The following SLC3A2 variants were observed in gnomAD, a reference collection of about 807,000 sequenced individuals.
SLC3A2 encodes solute carrier family 3 member 2, also known as amino acid transporter heavy chain SLC3A2.
In SLC3A2, 32 loss-of-function variants were observed where a neutral mutation model predicts 48.5. That is an observed-to-expected ratio of 0.66 (90% CI 0.50 to 0.89). The LOEUF (loss-of-function observed/expected upper bound fraction) is 0.89. Among genes scored for constraint, SLC3A2 ranks in the 40% least tolerant of loss-of-function variants. The pLI, the probability that SLC3A2 is intolerant of heterozygous loss-of-function variation, is 0.00. For synonymous variants in SLC3A2, 277 were observed against 288.8 expected (o/e 0.96, Z 0.41); for missense variants, 587 against 680.7 (o/e 0.86, Z 1.53).
Position 62,881,734 on chromosome 11 carries a change from C to A in SLC3A2, c.425-159C>A. 1 of 888,194 alleles carries A rather than the reference C, an allele frequency of 1.1e-6. No individual in the cohort carries two copies. 55.0% of individuals were successfully genotyped at this position (888,194 alleles called of 1,614,324 possible). On this transcript the variant is annotated intron_variant, in intron 1 of 8. Coordinates refer to ENST00000338663, the MANE Select transcript of SLC3A2 (RefSeq NM_001013251.3). This position sits in a 1 kb window ranked among gnomAD's most constrained non-coding sequence, Gnocchi z 4.0. ...GGTTTCTGAAGTAATGTGCAGGACT[C>A]CTTACATCAGCTCCTCTGAGTCTCG... is the stretch of plus-strand genomic sequence containing the variant.
chr11:62,884,407 G>T, intron 3 of SLC3A2, 50 bp from the exon 4 acceptor site: 1 of 1,605,224 alleles, frequency 6.2e-7, no homozygotes, highest in Non-Finnish European at 8.5e-7. Context: ...AATTTTCTGA[G>T]CCTTTTCCTG....
chr11:62,862,023 A>G (rs2085404503), intron 1 of SLC3A2, among the ~76,000 whole-genome samples: 1 of 151,796 alleles, frequency 6.6e-6, no homozygotes, highest in Admixed American at 6.6e-5. Flanking sequence ...TACAGCCATT[A>G]AGAAGTGCTG....
intron 1 of SLC3A2, among the ~76,000 whole-genome samples, chr11:62,857,839 G>A (rs1672720772): frequency 1.3e-5 from 2 of 152,110 alleles, no homozygotes; most frequent in South Asian, 2.1e-4. Context: ...GGGCCTGAAA[G>A]GGTAGAAAGA....
intron 1 of SLC3A2, among the ~76,000 whole-genome samples, chr11:62,874,362 A>G (rs2085549342): frequency 6.6e-6 from 1 of 152,132 alleles, no homozygotes; most frequent in African/African-American, 2.4e-5. Context: ...CTGACCTGCT[A>G]TTTCTCTGGT....
Position 62,881,033 on chromosome 11 carries a change from G to T in SLC3A2, c.10G>T (p.Asp4Tyr). The T allele has an allele frequency of 6.4e-7, 1 of 1,571,640 alleles. No individual in the cohort carries two copies. Among genetic ancestry groups the T allele is most frequent in the Non-Finnish European group, 8.7e-7 (1 of 1,155,810 alleles). MSQ[D>Y]TEVDMKEVEL... ...CGGTTCTGCAGGCACCATGAGCCAG[G>T]ACACCGAGGTGGATATGAAGGAGGT... Residue 4 changes from aspartate to tyrosine, a missense_variant, in exon 1 of 9, where the codon GAC becomes TAC. Physicochemically the swap from Asp to Tyr is radical, Grantham distance 160. This residue lies in a region of SLC3A2 where 409 missense variants were observed against 446.7 expected (regional missense o/e 0.92). Transcript: ENST00000338663. The surrounding 1 kb of genome is among the most constrained non-coding windows in gnomAD (Gnocchi z 4.0).
chr11:62,883,034 A>G (rs918686950), intron 3 of SLC3A2, 35 bp downstream of exon 3: 2 of 1,588,638 alleles, frequency 1.3e-6, no homozygotes, highest in African/African-American at 1.3e-5. Flanking sequence ...TGGAAGTCAG[A>G]TGCTGGGGCT....
intron 1 of SLC3A2, chr11:62,856,481 G>A: frequency 1.9e-6 from 2 of 1,059,612 alleles, no homozygotes; most frequent in South Asian, 3.1e-5. Flanking sequence ...GACAGGATCT[G>A]ATTTTTTCCT....
At chr11:62,882,779 CCG>C (rs2085659172) in intron 2 of SLC3A2, 127 bp from the exon 3 acceptor site, 1 of 776,124 alleles carries the variant, frequency 1.3e-6, no homozygotes, top group South Asian at 1.6e-5. Flanking sequence ...TGAATTTTGC[CCG>C]GGTTCAAATT....
At position 62,881,654 on chromosome 11, in the gene SLC3A2, AG is replaced by A; in HGVS notation, c.424+210del. On this transcript the variant is annotated intron_variant, in intron 1 of 8. Transcript: ENST00000338663. This position sits in a 1 kb window ranked among gnomAD's most constrained non-coding sequence, Gnocchi z 4.0. ...CCGACCCGCCCCTCACTCCGTCACG[AG>A]GGTGGGTGACTCAGCGTCCTCCTTC... 1.1e-6 allele frequency: 1 copy of A among 898,786 alleles called. No individual in the cohort carries two copies. Among genetic ancestry groups the A allele is most frequent in the Non-Finnish European group, 1.6e-6 (1 of 616,260 alleles). The allele number at this position is 898,786 out of a possible 1,614,324, so 55.7% of individuals were successfully genotyped here.
At chr11:62,869,999 T>A (rs1481423008) in intron 1 of SLC3A2, among the ~76,000 whole-genome samples, 2 of 151,398 alleles carry the variant, frequency 1.3e-5, no homozygotes, top group African/African-American at 4.9e-5. Flanking sequence ...GCTAGGCTGC[T>A]CTCTGGCCAG....
At chr11:62,856,467 T>A in intron 1 of SLC3A2, 1 of 1,189,348 alleles carries the variant, frequency 8.4e-7, no homozygotes, top group Non-Finnish European at 1.2e-6. Context: ...AGTGCTTCAC[T>A]GAAGACAGGA....
At chr11:62,861,704 T>C (rs537365452) in intron 1 of SLC3A2, among the ~76,000 whole-genome samples, 4 of 151,756 alleles carry the variant, frequency 2.6e-5, no homozygotes, top group Non-Finnish European at 5.9e-5. Flanking sequence ...TCACTTGAGG[T>C]TGGGAGTTCG....
In SLC3A2 at chr11:62,867,148, G is replaced by A. The variant is rs11231257; in HGVS notation, c.112+10767G>A. The stretch of plus-strand genomic sequence containing the variant: ...TGGGATTACAGGCATGCGCTACCAC[G>A]CCCAGCTAATTTTTTGTATTTTTAG... On this transcript the variant is annotated intron_variant, in intron 1 of 9. Coordinates refer to the SLC3A2 transcript ENST00000377889. 3.0e-3 allele frequency among the ~76,000 whole-genome samples: 451 copies of A among 148,868 alleles called. 1 individual carries two copies. Among genetic ancestry groups the A allele is most frequent in the Non-Finnish European group, 4.4e-3 (296 of 67,106 alleles).
At chr11:62,862,369 A>G (rs1242401344) in intron 1 of SLC3A2, among the ~76,000 whole-genome samples, 2 of 141,500 alleles carry the variant, frequency 1.4e-5, no homozygotes, top group Admixed American at 7.2e-5. Context: ...CCCTGCTTCT[A>G]ACAGGGCCAA....
At chr11:62,872,061 C>T (rs968994137) in intron 1 of SLC3A2, among the ~76,000 whole-genome samples, 1 of 152,096 alleles carries the variant, frequency 6.6e-6, no homozygotes, top group African/African-American at 2.4e-5. Context: ...TACAGGCACA[C>T]ACCGCCACGC....
chr11:62,880,471 G>T (rs1185929514), upstream of SLC3A2: 2 of 152,768 alleles, frequency 1.3e-5, no homozygotes, highest in African/African-American at 4.8e-5. Flanking sequence ...CTGCCTCTGA[G>T]AGTGCAAGTA....
intron 8 of SLC3A2, 32 bp downstream of exon 8, chr11:62,888,250 G>C (rs1331220372): frequency 6.2e-7 from 1 of 1,611,322 alleles, no homozygotes. Flanking sequence ...AAACTGACCG[G>C]TGGAGGGTGG....
Position 62,885,566 on chromosome 11 carries a change from C to T in SLC3A2, c.1101C>T (p.Tyr367=), listed in dbSNP as rs772048647. The T allele has an allele frequency of 1.1e-5, 17 of 1,614,058 alleles. 1 individual carries two copies. Among genetic ancestry groups the T allele is most frequent in the Admixed American group, 8.3e-5 (5 of 59,998 alleles). The change falls in exon 7 of 9, where the codon TAC becomes TAT. Residue 367 remains tyrosine (Y), a synonymous_variant. Transcript: ENST00000338663. ...FTLPGTPVFS[Y]GDEIGLDAAA... Reference sequence around the variant, plus strand: ...TGCCAGGGACCCCTGTTTTCAGCTACGGGGATGAGATTGGCCTGGATGCAG... The same window carrying T: ...TGCCAGGGACCCCTGTTTTCAGCTATGGGGATGAGATTGGCCTGGATGCAG...
intron 7 of SLC3A2, chr11:62,887,811 G>T: frequency 5.1e-6 from 1 of 196,446 alleles, no homozygotes; most frequent in South Asian, 1.0e-4. Flanking sequence ...CTTTTTTTTT[G>T]AGACAGGGTC....
Sources: gnomAD v4.1 joint callset for allele counts (sites outside exome capture counted in the v4.1 genomes callset) on GRCh38, gnomAD v4.1.1 for gene constraint, gnomAD v4.1.1 regional missense constraint, Gnocchi (gnomAD v3.1) non-coding constraint, MANE v1.5 for transcripts, NCBI Gene and HGNC (gene_info 2026-07-23, HGNC 2026-07-21) for gene names.